The following JAG2 variants were observed in gnomAD, a reference collection of about 807,000 sequenced individuals.
The protein encoded by JAG2 is protein jagged-2.
Under a neutral mutation model 141.7 loss-of-function variants are expected in JAG2, and 46 were observed. The ratio of observed to expected loss-of-function variants is 0.32; its 90% confidence interval spans 0.26 to 0.42. The LOEUF (loss-of-function observed/expected upper bound fraction) is 0.42. JAG2 is among the 10% of genes least tolerant of loss of function. JAG2 has a pLI of 1.00. For missense variants in JAG2, 1,500 were observed against 1,817.5 expected, an observed-to-expected ratio of 0.83 and a Z score of 3.18; for synonymous variants, 862 against 763.5, an observed-to-expected ratio of 1.13 and a Z score of -2.13.
chr14:105,152,550 G>A (rs937604658), intron 5 of JAG2, among the ~76,000 whole-genome samples: 9 of 152,318 alleles, frequency 5.9e-5, no homozygotes, highest in South Asian at 2.1e-4. Flanking sequence ...GGATTCACCC[G>A]TGAGCTGGGC....
intron 23 of JAG2, 56 bp from the exon 24 acceptor site, chr14:105,145,117 A>G: frequency 6.3e-7 from 1 of 1,599,724 alleles, no homozygotes; most frequent in Non-Finnish European, 8.5e-7. Context: ...TGACACCTAC[A>G]TCCCTGGACT....
intron 2 of JAG2, among the ~76,000 whole-genome samples, chr14:105,159,125 C>T (rs1160383573): frequency 6.6e-6 from 1 of 151,982 alleles, no homozygotes; most frequent in Non-Finnish European, 1.5e-5. Context: ...TCCAGGACCC[C>T]CACCCAGTCC....
Position 105,168,372 on chromosome 14 carries a change from G to T in JAG2, c.49C>A (p.Leu17Met). ...CCGCTCACCTGCACCCAGAGCGCCA[G>T]CAGCAGCAGCAGCCGCCGGGGAAGG... is the stretch of plus-strand genomic sequence containing the variant. The part of the protein sequence containing the change: ...GRLPRRLLLL[L>M]ALWVQAARPM... Residue 17 changes from leucine to methionine, a missense_variant, in exon 1 of 26, where the codon CTG becomes ATG. By Grantham distance (15) the Leu-to-Met change is conservative. Around this residue, in one of 3 missense-constraint regions of JAG2, gnomAD observed 200 missense variants for 174.3 expected, o/e 1.15. Coordinates refer to ENST00000331782, the MANE Select transcript of JAG2 (RefSeq NM_002226.5). The T allele has an allele frequency of 2.4e-6, 2 of 839,010 alleles. No homozygotes were observed. Among genetic ancestry groups the T allele is most frequent in the Non-Finnish European group, 3.0e-6 (2 of 670,318 alleles). The allele number at this position is 839,010 out of a possible 1,614,324, so 52.0% of individuals were successfully genotyped here.
intron 5 of JAG2, among the ~76,000 whole-genome samples, chr14:105,153,127 G>A (rs1595180770): frequency 1.3e-5 from 2 of 152,136 alleles, no homozygotes; most frequent in East Asian, 1.9e-4. Context: ...CTCCGGTCCT[G>A]CAGGACGGGA....
Position 105,150,916 on chromosome 14 carries a change from G to A in JAG2, c.1382-5C>T, listed in dbSNP as rs1244992069. The A allele has an allele frequency of 6.3e-7, 1 of 1,594,900 alleles. No individual in the cohort carries two copies. The highest frequency in any genetic ancestry group is 8.5e-7 in the Non-Finnish European group (1 of 1,171,344). ...GCCCGCGACAGTCGTTGACGTCTGG[G>A]GGCAGAGGAGCAGGGTCAGAGGCGG... On this transcript the variant is annotated splice_polypyrimidine_tract_variant and splice_region_variant and intron_variant, in intron 10 of 25. Transcript: ENST00000331782.
At chr14:105,147,955 C>A (rs1349323197) in intron 17 of JAG2, 67 bp from the exon 18 acceptor site, 5 of 1,306,336 alleles carry the variant, frequency 3.8e-6, no homozygotes, top group Non-Finnish European at 5.4e-6. Context: ...CTCCATACCG[C>A]GCCCCCAACC....
Position 105,167,749 on chromosome 14 carries a change from G to C in JAG2, c.417+8C>G, listed in dbSNP as rs913322541. 4 of 1,453,990 alleles carry C rather than the reference G, an allele frequency of 2.8e-6. No individual in the cohort carries two copies. The highest frequency in any genetic ancestry group is 3.0e-5 in the African/African-American group (2 of 67,378). The allele number at this position is 1,453,990 out of a possible 1,614,324, so 90.1% of individuals were successfully genotyped here. On this transcript the variant is annotated splice_region_variant and intron_variant, in intron 2 of 25. Coordinates refer to ENST00000331782, the MANE Select transcript of JAG2 (RefSeq NM_002226.5). This position sits in a 1 kb window ranked among gnomAD's most constrained non-coding sequence, Gnocchi z 4.8. Reference sequence around the variant, plus strand: ...AGGGCTGGAGCACGAGGGATGGAGCGCACGTACCGGCCAGGCGAACTGGAA... The same window carrying C: ...AGGGCTGGAGCACGAGGGATGGAGCCCACGTACCGGCCAGGCGAACTGGAA...
rs752556580 is a variant in JAG2 at position 105,149,153 on chromosome 14, C to T, written c.1753+17G>A. The T allele has an allele frequency of 6.2e-7, 1 of 1,603,928 alleles. No homozygotes were observed. Among genetic ancestry groups the T allele is most frequent in the Non-Finnish European group, 8.5e-7 (1 of 1,176,372 alleles). ...TGCCCCACCACCTCCCCCACCACCC[C>T]ATGCCGCACCCAGCACCTCTGCAGG... On this transcript the variant is annotated intron_variant, in intron 13 of 25. Transcript: ENST00000331782.
intron 5 of JAG2, among the ~76,000 whole-genome samples, chr14:105,152,859 T>G (rs958860901): frequency 1.3e-5 from 2 of 151,970 alleles, no homozygotes; most frequent in Non-Finnish European, 2.9e-5. Context: ...CTGCCCAGGG[T>G]AGTTCCTGAT....
chr14:105,143,160 C>G lies in JAG2; in HGVS notation c.3252G>C (p.Val1084=). 1 of 1,598,188 alleles carries G rather than the reference C, an allele frequency of 6.3e-7. No homozygotes were observed. The highest frequency in any genetic ancestry group is 8.5e-7 in the Non-Finnish European group (1 of 1,179,604). Residue 1084 remains valine (V), a synonymous_variant, in exon 26 of 26, where the codon GTG becomes GTC. Transcript: ENST00000331782. ...CGCTGAAGGCACCACACAGCACAGG[C>G]ACCAGCAGACCTGGGGACCGGGGAG... The part of the protein sequence containing the change: ...VTGGSSTGLL[V]PVLCGAFSVL...
rs756335426 is a variant in JAG2, at chr14:105,145,769, G to A, written c.2914C>T (p.Arg972Cys). The change falls in exon 23 of 26, where the codon CGC becomes TGC. Residue 972 changes from arginine to cysteine, a missense_variant. Arg to Cys is a radical substitution (Grantham distance 180). Transcript: ENST00000331782. The stretch of plus-strand genomic sequence containing the variant: ...TCACGGTTGAAATGCAAGGTGAGGC[G>A]GGCACAGTTATTGTCCAGGTGGCCG... The part of the protein sequence containing the change: ...RSGHLDNNCA[R>C]LTLHFNRDHV... 1.9e-6 allele frequency: 3 copies of A among 1,588,760 alleles called. No homozygotes were observed. The highest frequency in any genetic ancestry group is 1.1e-5 in the South Asian group (1 of 87,580).
rs2816677 is a variant in JAG2, at chr14:105,147,449, G to A, written c.2394-38C>T. On this transcript the variant is annotated intron_variant, in intron 19 of 25. Transcript: ENST00000331782. ...GGGTGGGCATCAGGTGGCCCCCCGT[G>A]GTATGCCAAGTCCCACCCACCCCTG... The A allele has an allele frequency of 3.1e-6, 5 of 1,608,618 alleles. No individual in the cohort carries two copies. In the African/African-American group the frequency reaches 5.3e-5, roughly 17 times the overall value.
chr14:105,153,657 C>CA (rs58420143), intron 5 of JAG2, among the ~76,000 whole-genome samples: 5,985 of 152,290 alleles, frequency 0.039, 385 homozygotes, highest in African/African-American at 0.14. Context: ...AGGCTGTCAG[C>CA]AACAGCTGGG....
At position 105,149,079 on chromosome 14, in the gene JAG2, G is replaced by A. The variant is rs1455374932; in HGVS notation, c.1764C>T (p.Gly588=). The A allele has an allele frequency of 1.2e-6, 2 of 1,608,898 alleles. No individual in the cohort carries two copies. Among genetic ancestry groups the A allele is most frequent in the African/African-American group, 1.3e-5 (1 of 74,944 alleles). Residue 588 remains glycine, a synonymous_variant, in exon 14 of 26, where the codon GGC becomes GGT. Transcript: ENST00000331782. The part of the protein sequence containing the change: ...CPGGACRVID[G]CGSDAGPGMP... ...TCCCAGGCCCCGCGTCTGACCCGCA[G>A]CCATCGATCACTATGGCAGGCAGTA...
chr14:105,150,978 C>T lies in JAG2; in HGVS notation c.1381+13G>A. The T allele has an allele frequency of 1.2e-6, 2 of 1,610,380 alleles. No homozygotes were observed. Among genetic ancestry groups the T allele is most frequent in the Non-Finnish European group, 1.7e-6 (2 of 1,178,770 alleles). On this transcript the variant is annotated intron_variant, in intron 10 of 25. Coordinates refer to ENST00000331782, the MANE Select transcript of JAG2 (RefSeq NM_002226.5). ...CCTCGGCCCACCCGCCGGCGCCCAC[C>T]CCCCATACTGACTGATATGGCAGTT...
intron 1 of JAG2, 115 bp from the exon 2 acceptor site, chr14:105,168,222 C>G: frequency 1.1e-6 from 1 of 935,780 alleles, no homozygotes; most frequent in East Asian, 6.4e-5. Context: ...CGCGCCCGCC[C>G]GGAGCCCCAG....
At chr14:105,148,522 G>A in intron 15 of JAG2, 83 bp from the exon 16 acceptor site, 3 of 1,057,992 alleles carry the variant, frequency 2.8e-6, no homozygotes, top group South Asian at 2.8e-5. Flanking sequence ...ACTGGAGCTG[G>A]GCCAGGTGAG....
intron 24 of JAG2, among the ~76,000 whole-genome samples, chr14:105,144,669 A>G (rs1888168779): frequency 6.6e-6 from 1 of 152,154 alleles, no homozygotes; most frequent in South Asian, 2.1e-4. Flanking sequence ...ACAAAAACAG[A>G]GCAGGGGACC....
rs115110467 is a variant in JAG2, at chr14:105,146,218, A to G, written c.2709+167T>C. Among the ~76,000 whole-genome samples the G allele has an allele frequency of 7.2e-3, 1,097 of 152,276 alleles. 26 individuals carry two copies. Among genetic ancestry groups the G allele is most frequent in the African/African-American group, 0.025 (1,052 of 41,554 alleles). On this transcript the variant is annotated intron_variant, in intron 22 of 25. Transcript: ENST00000331782. Reference sequence around the variant, plus strand: ...ACCAGGCCTGTTTTCCCAACTGCACATCGAAGCATGGGGCCTGGCTGAGCT... The same window carrying G: ...ACCAGGCCTGTTTTCCCAACTGCACGTCGAAGCATGGGGCCTGGCTGAGCT...
Sources: allele counts gnomAD v4.1 joint callset (sites outside exome capture counted in the v4.1 genomes callset), GRCh38; gene constraint gnomAD v4.1.1; regional missense constraint gnomAD v4.1.1; non-coding constraint Gnocchi (gnomAD v3.1); transcripts MANE v1.5; gene names NCBI Gene and HGNC (gene_info 2026-07-23, HGNC 2026-07-21).